The following MEF2A variants were observed in gnomAD, a reference collection of about 807,000 sequenced individuals.
MEF2A encodes myocyte enhancer factor 2A, also known as myocyte-specific enhancer factor 2A.
A neutral mutation model predicts 55.8 loss-of-function variants in MEF2A; 28 were observed. The observed-to-expected ratio is 0.50, with a 90% CI of 0.37 to 0.69. The LOEUF is 0.69. Ranked by LOEUF, MEF2A falls within the 30% of genes least tolerant of loss-of-function variation. The pLI, the probability that MEF2A is intolerant of heterozygous loss-of-function variation, is 0.00. For synonymous variants in MEF2A, 239 were observed against 227.1 expected, an observed-to-expected ratio of 1.05 and a Z score of -0.47; for missense variants, 528 against 626.2, an observed-to-expected ratio of 0.84 and a Z score of 1.67.
At chr15:99,661,898 A>G (rs2048710037) in intron 4 of MEF2A, among the ~76,000 whole-genome samples, 2 of 152,172 alleles carry the variant, frequency 1.3e-5, no homozygotes, top group South Asian at 2.1e-4. Flanking sequence ...TGTCTGTTGT[A>G]GAATGGATAA....
chr15:99,614,054 C>T (rs2039766708), intron 2 of MEF2A, among the ~76,000 whole-genome samples: 1 of 152,106 alleles, frequency 6.6e-6, no homozygotes, highest in African/African-American at 2.4e-5. Flanking sequence ...AACTCTGCCT[C>T]CTAGTGTGAC....
At chr15:99,638,849 C>G (rs1305857632) in intron 3 of MEF2A, among the ~76,000 whole-genome samples, 1 of 152,038 alleles carries the variant, frequency 6.6e-6, no homozygotes, top group East Asian at 1.9e-4. Flanking sequence ...TTTTAATGAG[C>G]CTTCAGACCT....
intron 4 of MEF2A, among the ~76,000 whole-genome samples, chr15:99,658,041 A>G (rs1012614590): frequency 8.5e-5 from 13 of 152,192 alleles, no homozygotes; most frequent in Admixed American, 3.9e-4. Context: ...ACTATAGAGC[A>G]TCATACAAAG....
At chr15:99,635,026 A>C (rs2043543170) in intron 3 of MEF2A, among the ~76,000 whole-genome samples, 1 of 152,234 alleles carries the variant, frequency 6.6e-6, no homozygotes, top group African/African-American at 2.4e-5. Context: ...GAAAAACTGT[A>C]TCTTTGCAGA....
chr15:99,677,471 A>G (rs1358687730), intron 7 of MEF2A, among the ~76,000 whole-genome samples: 1 of 152,300 alleles, frequency 6.6e-6, no homozygotes, highest in East Asian at 1.9e-4. Context: ...CAGATTGGAC[A>G]AAGCAAATAC....
chr15:99,686,582 A>T (rs2054266299), intron 7 of MEF2A, among the ~76,000 whole-genome samples: 1 of 152,158 alleles, frequency 6.6e-6, no homozygotes, highest in South Asian at 2.1e-4. Flanking sequence ...CTGGAGAGAA[A>T]TCTGCTGTTA....
chr15:99,586,773 T>TC (rs1410157668), intron 1 of MEF2A, among the ~76,000 whole-genome samples: 1 of 152,194 alleles, frequency 6.6e-6, no homozygotes, highest in East Asian at 1.9e-4. Flanking sequence ...CTATAAAACT[T>TC]TGAGAAGTTT....
intron 7 of MEF2A, chr15:99,681,696 A>G (rs1353453572): frequency 6.6e-6 from 1 of 152,232 alleles, no homozygotes; most frequent in Non-Finnish European, 1.5e-5. Flanking sequence ...GACAGGATCC[A>G]TGTTGTCCAT....
intron 2 of MEF2A, among the ~76,000 whole-genome samples, chr15:99,625,032 T>C (rs1175555312): frequency 1.3e-5 from 2 of 152,208 alleles, no homozygotes; most frequent in Non-Finnish European, 2.9e-5. Flanking sequence ...TAGATGGTTT[T>C]GCTGAACTAG....
intron 7 of MEF2A, among the ~76,000 whole-genome samples, chr15:99,684,504 G>A (rs918365978): frequency 6.6e-6 from 1 of 152,170 alleles, no homozygotes; most frequent in African/African-American, 2.4e-5. Context: ...GGCAATTTGT[G>A]TATCTGCTTT....
At chr15:99,580,691 G>A (rs1327081146) in intron 1 of MEF2A, among the ~76,000 whole-genome samples, 1 of 152,172 alleles carries the variant, frequency 6.6e-6, no homozygotes, top group Non-Finnish European at 1.5e-5. Context: ...TTATATGAAG[G>A]AGTTATAGGC....
At chr15:99,679,186 C>T (rs936803650) in intron 7 of MEF2A, among the ~76,000 whole-genome samples, 5 of 152,196 alleles carry the variant, frequency 3.3e-5, no homozygotes, top group African/African-American at 7.2e-5. Context: ...GCTGCAGATA[C>T]GTGTATTGTG....
At chr15:99,571,748 A>G (rs1962399630) in intron 1 of MEF2A, among the ~76,000 whole-genome samples, 1 of 152,080 alleles carries the variant, frequency 6.6e-6, no homozygotes, top group Non-Finnish European at 1.5e-5. Flanking sequence ...TCCTACCCCT[A>G]AACCCTGGTG....
chr15:99,651,793 T>C (rs2046890631), intron 4 of MEF2A, among the ~76,000 whole-genome samples: 1 of 152,248 alleles, frequency 6.6e-6, no homozygotes, highest in Non-Finnish European at 1.5e-5. Flanking sequence ...ACTACACGTC[T>C]CTAAGTGTGG....
intron 2 of MEF2A, among the ~76,000 whole-genome samples, chr15:99,615,034 T>C (rs1426912327): frequency 6.6e-6 from 1 of 151,940 alleles, no homozygotes; most frequent in Non-Finnish European, 1.5e-5. Flanking sequence ...GTAATGAAAA[T>C]GAGGAAATTG....
rs2058975304 is a variant in MEF2A, at chr15:99,714,594, ATTC to A, written c.*1826_*1828del. On this transcript the variant is annotated 3_prime_UTR_variant, in exon 12 of 12. Coordinates refer to ENST00000557942, the MANE Select transcript of MEF2A (RefSeq NM_001319206.4). ...CAGCTTGGATTTTGAACAAGGCCTTATTCTTTCAGGAAGACAACTAATGGATGA... is the reference window on the plus strand; with the variant it reads ...CAGCTTGGATTTTGAACAAGGCCTTATTTCAGGAAGACAACTAATGGATGA... 2 of 152,152 alleles carry A rather than the reference ATTC, an allele frequency of 1.3e-5. No homozygotes were observed. The highest frequency in any genetic ancestry group is 4.8e-5 in the African/African-American group (2 of 41,442). The allele number at this position is 152,152 out of a possible 1,614,324, so 9.4% of individuals were successfully genotyped here. A position where few individuals can be genotyped will look rare whatever the true frequency, so the allele number is the denominator to read the frequency against.
chr15:99,599,872 TACAC>T (rs1314380490), intron 2 of MEF2A, among the ~76,000 whole-genome samples: 2 of 152,026 alleles, frequency 1.3e-5, no homozygotes, highest in Non-Finnish European at 2.9e-5. Flanking sequence ...TAAAAAATAA[TACAC>T]CAATAAAAAA....
rs1465068813 is a variant in MEF2A, at chr15:99,712,791, G to C, written c.*20G>C. The C allele has an allele frequency of 1.3e-6, 2 of 1,548,324 alleles. No homozygotes were observed. The highest frequency in any genetic ancestry group is 3.9e-5 in the Admixed American group (2 of 50,934). On this transcript the variant is annotated 3_prime_UTR_variant, in exon 12 of 12. Transcript: ENST00000557942. This position sits in a 1 kb window ranked among gnomAD's most constrained non-coding sequence, Gnocchi z 4.1. ...ACCTAAGGCTTCCAAGCTGATGTTT[G>C]TACTTTTGTGTTACTGCAGTGACCT...
Position 99,651,768 on chromosome 15 carries a change from T to A in MEF2A, c.258+6004T>A, listed in dbSNP as rs2046887314. ...ATACAATTATTGGTTTTCATTTATG[T>A]GCTTTGTATAAGGGACTACACGTCT... On this transcript the variant is annotated intron_variant, in intron 4 of 11. Transcript: ENST00000557942. Among the ~76,000 whole-genome samples the A allele has an allele frequency of 2.0e-5, 3 of 152,222 alleles. No individual in the cohort carries two copies. In the South Asian group the frequency reaches 6.2e-4, roughly 32 times the overall value.
Sources: gnomAD v4.1 joint callset for allele counts (sites outside exome capture counted in the v4.1 genomes callset) on GRCh38, gnomAD v4.1.1 for gene constraint, Gnocchi (gnomAD v3.1) non-coding constraint, MANE v1.5 for transcripts, NCBI Gene and HGNC (gene_info 2026-07-23, HGNC 2026-07-21) for gene names.